Variants in CYP19A1 observed in about 807,000 individuals in gnomAD.
The protein encoded by CYP19A1 is aromatase.
Under a neutral mutation model 44.4 loss-of-function variants are expected in CYP19A1, and 32 were observed. The ratio of observed to expected loss-of-function variants is 0.72; its 90% CI spans 0.54 to 0.97. CYP19A1 has a LOEUF of 0.97. CYP19A1 is among the 50% of genes least tolerant of loss of function. CYP19A1 has a pLI of 0.00. For missense variants in CYP19A1, 598 were observed against 637.8 expected (o/e 0.94, Z 0.67); for synonymous variants, 212 against 215.6 (o/e 0.98, Z 0.14).
intron 1 of CYP19A1, among the ~76,000 whole-genome samples, chr15:51,330,109 C>T (rs557721895): frequency 4.6e-5 from 7 of 152,156 alleles, no homozygotes; most frequent in Admixed American, 2.0e-4. Context: ...AGGCACCTCC[C>T]GGAAGCTGGA....
chr15:51,210,900 T>C lies in CYP19A1; in HGVS notation c.1420A>G (p.Ile474Val), dbSNP rs766959165. 1 of 1,597,164 alleles carries C rather than the reference T, an allele frequency of 6.3e-7. No individual in the cohort carries two copies. The highest frequency in any genetic ancestry group is 1.1e-5 in the South Asian group (1 of 90,778). The change falls in exon 10 of 10, where the codon ATA becomes GTA. Residue 474 changes from isoleucine to valine, a missense_variant. Ile to Val is a conservative substitution (Grantham distance 29). Coordinates refer to ENST00000396402, the MANE Select transcript of CYP19A1 (RefSeq NM_000103.4). ...QGQCVESIQK[I>V]HDLSLHPDET... ...TCTGGGTGCAAGGACAAGTCGTGTA[T>C]CTTCTGTATGCTCTCAACACACTGT...
intron 9 of CYP19A1, chr15:51,211,817 T>C: frequency 3.2e-6 from 1 of 308,058 alleles, no homozygotes; most frequent in Non-Finnish European, 6.4e-6. Context: ...ACTGTCTCTC[T>C]TCTAATTATT....
chr15:51,229,041 G>A lies in CYP19A1; in HGVS notation c.297-1108C>T, dbSNP rs536315843. 9.2e-5 allele frequency among the ~76,000 whole-genome samples: 14 copies of A among 152,282 alleles called. No individual in the cohort carries two copies. In the South Asian group the frequency reaches 2.9e-3, roughly 32 times the overall value. On this transcript the variant is annotated intron_variant, in intron 3 of 9. Coordinates refer to ENST00000396402, the MANE Select transcript of CYP19A1 (RefSeq NM_000103.4). ...TAATGAGGTTGTTCAGTTAATGCCT[G>A]TTGAAATACATTCCCAGAGGACTCT...
At chr15:51,309,787 C>G (rs751995497) in intron 1 of CYP19A1, among the ~76,000 whole-genome samples, 1 of 152,182 alleles carries the variant, frequency 6.6e-6, no homozygotes, top group Non-Finnish European at 1.5e-5. Flanking sequence ...GTTCTCAGAT[C>G]CACAAGATGT....
At chr15:51,219,414 A>G (rs1469652751) in intron 5 of CYP19A1, among the ~76,000 whole-genome samples, 1 of 152,254 alleles carries the variant, frequency 6.6e-6, no homozygotes, top group Admixed American at 6.5e-5. Flanking sequence ...GCTAAATACC[A>G]GTCACCATGC....
intron 1 of CYP19A1, among the ~76,000 whole-genome samples, chr15:51,284,081 T>C (rs773636764): frequency 6.6e-6 from 1 of 152,166 alleles, no homozygotes; most frequent in Non-Finnish European, 1.5e-5. Context: ...ATTCAATTAG[T>C]TATTAGTTCC....
At chr15:51,261,190 G>C (rs1226079474) in intron 1 of CYP19A1, among the ~76,000 whole-genome samples, 1 of 152,180 alleles carries the variant, frequency 6.6e-6, no homozygotes, top group Non-Finnish European at 1.5e-5. Context: ...ATGACCCACG[G>C]CTTCTAATAG....
intron 5 of CYP19A1, among the ~76,000 whole-genome samples, chr15:51,219,578 T>C (rs993257658): frequency 6.6e-6 from 1 of 152,218 alleles, no homozygotes; most frequent in Non-Finnish European, 1.5e-5. Flanking sequence ...AGGCAGGCCC[T>C]GAGGCTGGAG....
At chr15:51,304,779 T>C (rs774813993) in intron 1 of CYP19A1, among the ~76,000 whole-genome samples, 2 of 152,156 alleles carry the variant, frequency 1.3e-5, no homozygotes, top group Non-Finnish European at 2.9e-5. Context: ...TCAAGGTTTT[T>C]AATTTATTTT....
rs981550944 is a variant in CYP19A1, at chr15:51,224,295, T to C, written c.452-1770A>G. On this transcript the variant is annotated intron_variant, in intron 4 of 9. Transcript: ENST00000396402. ...AACTTGTGCCAAACTTTCCACTATA[T>C]CAGGAAAACCAACAGGGAGTCTAAC... is the stretch of plus-strand genomic sequence containing the variant. Among the ~76,000 whole-genome samples the C allele has an allele frequency of 2.0e-5, 3 of 152,158 alleles. No homozygotes were observed. In the East Asian group the frequency reaches 5.8e-4, roughly 29 times the overall value.
chr15:51,330,947 A>T (rs1258561776), intron 1 of CYP19A1, among the ~76,000 whole-genome samples: 1 of 152,178 alleles, frequency 6.6e-6, no homozygotes, highest in African/African-American at 2.4e-5. Context: ...AAGAAGCTAC[A>T]TGGCCGTGAC....
intron 1 of CYP19A1, among the ~76,000 whole-genome samples, chr15:51,304,995 G>C (rs773843790): frequency 2.7e-5 from 4 of 148,412 alleles, no homozygotes; most frequent in Non-Finnish European, 5.9e-5. Flanking sequence ...CGCCTTCCAG[G>C]TTCAAGCGAT....
intron 1 of CYP19A1, among the ~76,000 whole-genome samples, chr15:51,288,566 C>G (rs2470175): frequency 0.082 from 12,558 of 152,236 alleles, 585 homozygotes; most frequent in Non-Finnish European, 0.1. Context: ...TTGGCATGCT[C>G]CTGTGGCCCA....
At chr15:51,325,643 T>G (rs999634533) in intron 1 of CYP19A1, among the ~76,000 whole-genome samples, 5 of 151,980 alleles carry the variant, frequency 3.3e-5, no homozygotes, top group Admixed American at 2.6e-4. Flanking sequence ...ATCAAGACCA[T>G]CCTGGCTAAC....
intron 1 of CYP19A1, among the ~76,000 whole-genome samples, chr15:51,294,342 A>G (rs1477089434): frequency 6.8e-6 from 1 of 146,360 alleles, no homozygotes; most frequent in Non-Finnish European, 1.5e-5. Flanking sequence ...CTGGGATGTG[A>G]GGAGCGCCTC....
intron 1 of CYP19A1, 198 bp downstream of exon 1, chr15:51,338,295 AGT>A (rs765984132): frequency 7.2e-5 from 11 of 152,318 alleles, no homozygotes; most frequent in Non-Finnish European, 1.2e-4. Flanking sequence ...ACACTCAAGC[AGT>A]GTTTTCCCTC....
intron 1 of CYP19A1, among the ~76,000 whole-genome samples, chr15:51,285,205 T>A (rs998705520): frequency 6.6e-6 from 1 of 152,026 alleles, no homozygotes; most frequent in Non-Finnish European, 1.5e-5. Flanking sequence ...TAGGCAGGAG[T>A]ATCATTGCCC....
At chr15:51,234,798 A>T (rs775779715) in intron 3 of CYP19A1, among the ~76,000 whole-genome samples, 7 of 152,074 alleles carry the variant, frequency 4.6e-5, no homozygotes, top group Non-Finnish European at 8.8e-5. Context: ...CTACCCCCAG[A>T]GGTTCTGATC....
chr15:51,275,772 A>G lies in CYP19A1; in HGVS notation c.-38-32822T>C, dbSNP rs142894341. Among the ~76,000 whole-genome samples, 3 of 152,346 alleles carry G rather than the reference A, an allele frequency of 2.0e-5. No homozygotes were observed. The East Asian group carries it at 5.8e-4, about 29-fold the overall frequency. Reference sequence around the variant, plus strand: ...ATAAGAGTTCAAAAATTCTGCTGAAAGGCCAACCATGTAGTTATTGAACAA... The same window carrying G: ...ATAAGAGTTCAAAAATTCTGCTGAAGGGCCAACCATGTAGTTATTGAACAA... On this transcript the variant is annotated intron_variant, in intron 1 of 9. Coordinates refer to ENST00000396402, the MANE Select transcript of CYP19A1 (RefSeq NM_000103.4).
Sources: allele counts gnomAD v4.1 joint callset (sites outside exome capture counted in the v4.1 genomes callset), GRCh38; gene constraint gnomAD v4.1.1; transcripts MANE v1.5; gene names NCBI Gene and HGNC (gene_info 2026-07-23, HGNC 2026-07-21).